Variants in DLG2 observed in about 807,000 individuals in gnomAD.
DLG2 encodes the protein discs large MAGUK scaffold protein 2.
Under a neutral mutation model 132.5 loss-of-function variants are expected in DLG2, and 45 were observed. The observed-to-expected ratio is 0.34, with a 90% CI of 0.27 to 0.44. The LOEUF (loss-of-function observed/expected upper bound fraction) is 0.44, where lower values mean the gene tolerates loss of function less well. DLG2 is among the 20% of genes least tolerant of loss of function. DLG2 has a pLI of 1.00. For missense variants in DLG2, 1,045 were observed against 1,196.9 expected (o/e 0.87, Z 1.87); for synonymous variants, 424 against 419.6 (o/e 1.01, Z -0.13).
At chr11:83,909,829 T>G (rs61901827) in intron 15 of DLG2, among the ~76,000 whole-genome samples, 30,460 of 152,034 alleles carry the variant, frequency 0.2, 3,337 homozygotes, top group Non-Finnish European at 0.26. Flanking sequence ...TTATCTTCTG[T>G]TCCAATCTTC....
chr11:84,756,989 G>C (rs1331194994), intron 6 of DLG2, among the ~76,000 whole-genome samples: 6 of 152,176 alleles, frequency 3.9e-5, no homozygotes, highest in African/African-American at 4.8e-5. Flanking sequence ...ATAATTCCTG[G>C]TGTACATATT....
At chr11:85,191,247 T>C (rs535221804) in intron 4 of DLG2, among the ~76,000 whole-genome samples, 58 of 148,466 alleles carry the variant, frequency 3.9e-4, no homozygotes, top group East Asian at 1.4e-3. Flanking sequence ...CAAAATGGCG[T>C]ATGGTGTATC....
At chr11:83,677,605 G>A (rs867626478) in intron 18 of DLG2, among the ~76,000 whole-genome samples, 1 of 151,956 alleles carries the variant, frequency 6.6e-6, no homozygotes, top group Non-Finnish European at 1.5e-5. Flanking sequence ...ACTACTTTGT[G>A]AAAATAATAC....
chr11:84,633,571 T>C (rs2099635745), intron 6 of DLG2, among the ~76,000 whole-genome samples: 1 of 152,200 alleles, frequency 6.6e-6, no homozygotes, highest in South Asian at 2.1e-4. Context: ...CACAACATTG[T>C]TTATTTTTAT....
chr11:85,560,088 A>G (rs2077154907), intron 3 of DLG2, among the ~76,000 whole-genome samples: 1 of 151,886 alleles, frequency 6.6e-6, no homozygotes, highest in African/African-American at 2.4e-5. Context: ...GACAATACCA[A>G]ATGTTTGCAA....
At chr11:83,910,430 C>T (rs2075835981) in intron 15 of DLG2, among the ~76,000 whole-genome samples, 1 of 152,122 alleles carries the variant, frequency 6.6e-6, no homozygotes, top group Admixed American at 6.6e-5. Flanking sequence ...GAAACATGAA[C>T]ATCAAATGAA....
intron 3 of DLG2, among the ~76,000 whole-genome samples, chr11:85,293,938 T>C (rs1483376508): frequency 1.3e-5 from 2 of 152,104 alleles, no homozygotes; most frequent in South Asian, 4.1e-4. Flanking sequence ...CATCAGGCAC[T>C]TCATTAATAA....
chr11:84,998,540 C>G (rs1940132), intron 6 of DLG2, among the ~76,000 whole-genome samples: 76,472 of 151,738 alleles, frequency 0.5, 19,599 homozygotes, highest in East Asian at 0.63. Context: ...TAATTTTTAT[C>G]TCTGAATGTA....
intron 9 of DLG2, among the ~76,000 whole-genome samples, chr11:84,135,357 T>C (rs921511154): frequency 2.6e-5 from 4 of 152,080 alleles, no homozygotes; most frequent in Non-Finnish European, 4.4e-5. Context: ...TTTAATCAAA[T>C]ATACGTTTTT....
At chr11:83,800,559 G>C (rs1303731888) in intron 17 of DLG2, among the ~76,000 whole-genome samples, 1 of 152,100 alleles carries the variant, frequency 6.6e-6, no homozygotes, top group Non-Finnish European at 1.5e-5. Context: ...AATCCTTCTG[G>C]AGCAGAGGCA....
chr11:83,723,529 G>C (rs759422265), intron 18 of DLG2, among the ~76,000 whole-genome samples: 6 of 152,176 alleles, frequency 3.9e-5, no homozygotes, highest in Non-Finnish European at 5.9e-5. Context: ...AGTTTGTGCT[G>C]GGTGCAATGC....
intron 18 of DLG2, among the ~76,000 whole-genome samples, chr11:83,682,914 T>G (rs200705141): frequency 1.3e-5 from 2 of 152,156 alleles, no homozygotes; most frequent in East Asian, 3.9e-4. Flanking sequence ...TAAAGTGACT[T>G]GCCCAGGTCA....
At chr11:84,433,326 A>G (rs2098990413) in intron 7 of DLG2, among the ~76,000 whole-genome samples, 1 of 152,202 alleles carries the variant, frequency 6.6e-6, no homozygotes. Flanking sequence ...GTAACCAGAA[A>G]TTGCACTTTC....
chr11:84,194,288 TTC>T (rs2096470960), intron 8 of DLG2, among the ~76,000 whole-genome samples: 1 of 152,158 alleles, frequency 6.6e-6, no homozygotes. Context: ...AGTGTTACAG[TTC>T]CTAAAGATGG....
chr11:83,770,267 T>TTTTTTTTTTTTTTTTTTTTC, intron 18 of DLG2, among the ~76,000 whole-genome samples: 1 of 150,822 alleles, frequency 6.6e-6, no homozygotes, highest in Non-Finnish European at 1.5e-5. Context: ...TTTTTTTTGT[T>TTTTTTTTTTTTTTTTTTTTC]TTTTTGCTTT....
intron 18 of DLG2, among the ~76,000 whole-genome samples, chr11:83,661,079 C>A (rs913833918): frequency 1.3e-5 from 2 of 152,090 alleles, no homozygotes; most frequent in Non-Finnish European, 2.9e-5. Context: ...CTTGTAGTAA[C>A]AGAAAATTCA....
intron 7 of DLG2, among the ~76,000 whole-genome samples, chr11:84,289,963 G>T (rs2097965648): frequency 6.6e-6 from 1 of 152,092 alleles, no homozygotes; most frequent in Admixed American, 6.6e-5. Context: ...TAAGGGGCTT[G>T]CAGATTTCAT....
At chr11:83,669,152 C>T (rs1458956504) in intron 18 of DLG2, among the ~76,000 whole-genome samples, 2 of 151,990 alleles carry the variant, frequency 1.3e-5, no homozygotes, top group African/African-American at 4.8e-5. Context: ...ATGTTAGGTC[C>T]CAGGAATACA....
chr11:85,222,098 C>T (rs148665847), intron 4 of DLG2, among the ~76,000 whole-genome samples: 27 of 152,046 alleles, frequency 1.8e-4, no homozygotes, highest in East Asian at 5.8e-4. Context: ...TCCACCACAC[C>T]GAGCTAACAT....
Sources: gnomAD v4.1 joint callset for allele counts (sites outside exome capture counted in the v4.1 genomes callset) on GRCh38, gnomAD v4.1.1 for gene constraint, MANE v1.5 for transcripts, NCBI Gene and HGNC (gene_info 2026-07-23, HGNC 2026-07-21) for gene names.